The following NRXN3 variants were observed in gnomAD, a reference collection of about 807,000 sequenced individuals.
NRXN3 encodes the protein neurexin 3, also known as neurexin III.
NRXN3 carries 32 observed loss-of-function variants against 137.6 expected under a neutral mutation model. The ratio of observed to expected loss-of-function variants is 0.23; its 90% CI spans 0.18 to 0.31. The LOEUF is 0.31. Among genes scored for constraint, NRXN3 ranks in the 10% least tolerant of loss-of-function variants. NRXN3 has a pLI of 1.00. For synonymous variants in NRXN3, 798 were observed against 784.5 expected, an observed-to-expected ratio of 1.02 and a Z score of -0.29; for missense variants, 1,574 against 2,062.5, an observed-to-expected ratio of 0.76 and a Z score of 4.59.
chr14:78,840,555 T>C (rs1481872965), intron 10 of NRXN3, among the ~76,000 whole-genome samples: 1 of 152,172 alleles, frequency 6.6e-6, no homozygotes, highest in Non-Finnish European at 1.5e-5. Flanking sequence ...TCTCACTTCA[T>C]ACTTCATGCT....
At chr14:79,828,618 CAAAAAA>C (rs60094990) in intron 20 of NRXN3, among the ~76,000 whole-genome samples, 2 of 67,580 alleles carry the variant, frequency 3.0e-5, no homozygotes, top group Non-Finnish European at 5.0e-5. Context: ...GACTCCATCT[CAAAAAA>C]AAAAAAAAAA....
chr14:78,973,864 G>T (rs188226874), intron 14 of NRXN3, among the ~76,000 whole-genome samples: 1 of 152,122 alleles, frequency 6.6e-6, no homozygotes, highest in African/African-American at 2.4e-5. Context: ...CAAAGGTAAC[G>T]TTCAAAAAAT....
At chr14:79,836,398 C>A (rs1053986208) in intron 20 of NRXN3, among the ~76,000 whole-genome samples, 5 of 152,044 alleles carry the variant, frequency 3.3e-5, no homozygotes, top group Non-Finnish European at 7.4e-5. Context: ...TTGTTAAAAC[C>A]AAGAGCAGGA....
chr14:79,737,733 T>TC (rs1232445671), intron 19 of NRXN3, among the ~76,000 whole-genome samples: 1 of 151,662 alleles, frequency 6.6e-6, no homozygotes, highest in African/African-American at 2.4e-5. Context: ...TTTCTTTCTT[T>TC]TTTTTTTTTA....
At chr14:78,353,203 C>A (rs34005817) in intron 4 of NRXN3, among the ~76,000 whole-genome samples, 49,327 of 152,024 alleles carry the variant, frequency 0.32, 10,099 homozygotes, top group Admixed American at 0.49. Flanking sequence ...AGCACAAGAC[C>A]CCACGTCTCT....
intron 19 of NRXN3, among the ~76,000 whole-genome samples, chr14:79,734,647 G>A (rs2154074943): frequency 6.6e-6 from 1 of 151,992 alleles, no homozygotes; most frequent in African/African-American, 2.4e-5. Flanking sequence ...TCTCTATGCA[G>A]GCAAATATAC....
At chr14:79,404,925 T>C (rs2095280364) in intron 15 of NRXN3, among the ~76,000 whole-genome samples, 1 of 151,926 alleles carries the variant, frequency 6.6e-6, no homozygotes, top group Non-Finnish European at 1.5e-5. Context: ...ACAGATAAAG[T>C]GGGAACAGAG....
intron 18 of NRXN3, among the ~76,000 whole-genome samples, chr14:79,694,330 C>T (rs186804648): frequency 2.8e-4 from 42 of 151,960 alleles, no homozygotes; most frequent in Non-Finnish European, 5.0e-4. Flanking sequence ...TGGAGACATG[C>T]AAAGATTTAA....
chr14:78,787,778 A>G (rs1452085045), intron 8 of NRXN3, among the ~76,000 whole-genome samples: 2 of 152,190 alleles, frequency 1.3e-5, no homozygotes, highest in African/African-American at 4.8e-5. Flanking sequence ...TAGCCTGCCC[A>G]TGACTGTTAT....
intron 14 of NRXN3, 145 bp from the exon 15 acceptor site, chr14:78,987,877 G>A: frequency 2.5e-6 from 2 of 808,832 alleles, no homozygotes; most frequent in Non-Finnish European, 3.8e-6. Context: ...TGTTGCATGA[G>A]ATTGAGTTGA....
intron 8 of NRXN3, among the ~76,000 whole-genome samples, chr14:78,760,522 A>C (rs990881333): frequency 6.7e-6 from 1 of 148,226 alleles, no homozygotes; most frequent in African/African-American, 2.5e-5. Context: ...TAGCAAAAGC[A>C]ATGATGAAGA....
intron 4 of NRXN3, among the ~76,000 whole-genome samples, chr14:78,498,440 C>T (rs145611285): frequency 7.0e-4 from 106 of 152,236 alleles, no homozygotes; most frequent in African/African-American, 2.4e-3. Context: ...CAGGTGGGAT[C>T]CCAGTAGGGA....
intron 17 of NRXN3, among the ~76,000 whole-genome samples, chr14:79,678,715 T>G (rs2098653866): frequency 1.3e-5 from 2 of 152,194 alleles, no homozygotes; most frequent in Admixed American, 1.3e-4. Flanking sequence ...AATTACACCT[T>G]ATACTTACTA....
At chr14:79,425,242 T>A (rs2095638626) in intron 15 of NRXN3, among the ~76,000 whole-genome samples, 1 of 152,282 alleles carries the variant, frequency 6.6e-6, no homozygotes, top group East Asian at 1.9e-4. Flanking sequence ...CTTCTTAGGG[T>A]TGTCAAGAGC....
At chr14:78,534,900 T>G (rs2096518114) in intron 4 of NRXN3, among the ~76,000 whole-genome samples, 1 of 152,226 alleles carries the variant, frequency 6.6e-6, no homozygotes, top group South Asian at 2.1e-4. Context: ...GTGATAATAG[T>G]TGTTTGTACA....
At chr14:78,421,006 C>T (rs1466760783) in intron 4 of NRXN3, among the ~76,000 whole-genome samples, 2 of 152,184 alleles carry the variant, frequency 1.3e-5, no homozygotes, top group Non-Finnish European at 2.9e-5. Context: ...CCCTCATCGA[C>T]ATTTCTCTTA....
intron 19 of NRXN3, among the ~76,000 whole-genome samples, chr14:79,745,758 C>G (rs550512355): frequency 2.0e-4 from 29 of 142,874 alleles, no homozygotes; most frequent in Non-Finnish European, 2.7e-4. Flanking sequence ...CATGCTCCCC[C>G]CTGCAATCTG....
chr14:79,771,044 T>C (rs897924409), intron 19 of NRXN3, among the ~76,000 whole-genome samples: 5 of 152,072 alleles, frequency 3.3e-5, no homozygotes, highest in South Asian at 2.1e-4. Context: ...ATAAATTCCT[T>C]GAAACATACA....
At chr14:79,753,463 C>T (rs999944219) in intron 19 of NRXN3, among the ~76,000 whole-genome samples, 16 of 150,412 alleles carry the variant, frequency 1.1e-4, no homozygotes, top group African/African-American at 3.4e-4. Flanking sequence ...AGCAAACTAT[C>T]GCAAGGACAA....
Sources: gnomAD v4.1 joint callset for allele counts (sites outside exome capture counted in the v4.1 genomes callset) on GRCh38, gnomAD v4.1.1 for gene constraint, MANE v1.5 for transcripts, NCBI Gene and HGNC (gene_info 2026-07-23, HGNC 2026-07-21) for gene names.